The following AQR variants were observed in gnomAD, a reference collection of about 807,000 sequenced individuals.
AQR encodes RNA helicase aquarius.
A neutral mutation model predicts 180.5 loss-of-function variants in AQR; 61 were observed. The observed-to-expected ratio is 0.34, with a 90% CI of 0.28 to 0.42. The LOEUF is 0.42. AQR is among the 10% of genes least tolerant of loss of function. The pLI, the probability that AQR is intolerant of heterozygous loss-of-function variation, is 1.00. For synonymous variants in AQR, 551 were observed against 588.8 expected (o/e 0.94, Z 0.93); for missense variants, 1,281 against 1,798.3 (o/e 0.71, Z 5.20).
Position 34,856,515 on chromosome 15 carries a change from GA to G in AQR, c.*276del, listed in dbSNP as rs1325545625. The G allele has an allele frequency of 2.4e-6, 1 of 415,360 alleles. No individual in the cohort carries two copies. The highest frequency in any genetic ancestry group is 2.0e-5 in the African/African-American group (1 of 48,964). The allele number at this position is 415,360 out of a possible 1,614,324, so 25.7% of individuals were successfully genotyped here. On this transcript the variant is annotated 3_prime_UTR_variant, in exon 35 of 35. Coordinates refer to ENST00000156471, the MANE Select transcript of AQR (RefSeq NM_014691.3). Reference sequence around the variant, plus strand: ...GTGAAGTATATATTATATATTCATAGAAAATGATTTTAATGTAGGTATGATT... The same window carrying G: ...GTGAAGTATATATTATATATTCATAGAAATGATTTTAATGTAGGTATGATT...
At chr15:34,892,334 C>A (rs1321473304) in intron 23 of AQR, among the ~76,000 whole-genome samples, 2 of 152,086 alleles carry the variant, frequency 1.3e-5, no homozygotes, top group East Asian at 3.9e-4. Context: ...CACTTTAGAC[C>A]TTAGTCTTTC....
At chr15:34,919,855 G>A (rs938488948) in intron 14 of AQR, among the ~76,000 whole-genome samples, 9 of 151,618 alleles carry the variant, frequency 5.9e-5, no homozygotes, top group Non-Finnish European at 4.4e-5. Flanking sequence ...CTGAGATCAC[G>A]CCACTGCACT....
chr15:34,960,250 C>T (rs994790440), intron 3 of AQR, among the ~76,000 whole-genome samples: 3 of 152,092 alleles, frequency 2.0e-5, no homozygotes, highest in African/African-American at 7.2e-5. Flanking sequence ...TTTGAAAAAA[C>T]ATGTGAAGGC....
At chr15:34,882,254 AAACTTTAACAAGT>A (rs1892981944) in intron 27 of AQR, among the ~76,000 whole-genome samples, 1 of 152,102 alleles carries the variant, frequency 6.6e-6, no homozygotes, top group South Asian at 2.1e-4. Flanking sequence ...AGTAAAAATA[AAACTTTAACAAGT>A]ATGAGAATTT....
At chr15:34,878,204 G>A (rs1892913907) in intron 27 of AQR, among the ~76,000 whole-genome samples, 1 of 151,844 alleles carries the variant, frequency 6.6e-6, no homozygotes, top group Admixed American at 6.6e-5. Context: ...GGTCAACATG[G>A]TGAAACCCCG....
intron 23 of AQR, among the ~76,000 whole-genome samples, chr15:34,892,390 G>A (rs896595361): frequency 6.6e-6 from 1 of 152,242 alleles, no homozygotes; most frequent in South Asian, 2.1e-4. Flanking sequence ...CCCAGTAAGG[G>A]TTAATGCTTA....
intron 8 of AQR, among the ~76,000 whole-genome samples, chr15:34,939,051 C>T (rs538149143): frequency 9.2e-5 from 14 of 152,134 alleles, no homozygotes; most frequent in East Asian, 3.9e-4. Flanking sequence ...CTTCTCTCAC[C>T]GTGAACGTTT....
rs2140454440 is a variant in AQR, at chr15:34,855,654, A to G, written c.*1138T>C. ...CTACATTATAGCCTCATTCATGTGA[A>G]GACAACACAGTAATCTTAGTACAGT... On this transcript the variant is annotated 3_prime_UTR_variant, in exon 35 of 35. Transcript: ENST00000156471. 1 of 152,284 alleles carries G rather than the reference A, an allele frequency of 6.6e-6. No homozygotes were observed. Among genetic ancestry groups the G allele is most frequent in the Non-Finnish European group, 1.5e-5 (1 of 68,036 alleles). 9.4% of individuals were successfully genotyped at this position (152,284 alleles called of 1,614,324 possible).
At chr15:34,920,242 C>CA (rs1387099887) in intron 14 of AQR, 90 bp downstream of exon 14, 6 of 874,654 alleles carry the variant, frequency 6.9e-6, no homozygotes, top group South Asian at 1.8e-5. Flanking sequence ...CTTTGGCCCA[C>CA]AAAAAAATCT....
chr15:34,914,111 A>G (rs375346728), intron 16 of AQR, among the ~76,000 whole-genome samples: 14 of 152,352 alleles, frequency 9.2e-5, no homozygotes, highest in African/African-American at 3.1e-4. Context: ...AGCTTTTCAC[A>G]TAAAATGCAG....
chr15:34,933,340 C>G (rs1181435883), intron 10 of AQR, among the ~76,000 whole-genome samples: 1 of 152,144 alleles, frequency 6.6e-6, no homozygotes, highest in African/African-American at 2.4e-5. Flanking sequence ...AGACAAGGAA[C>G]AGATTTTCTT....
chr15:34,884,460 C>CAA (rs372572921), intron 26 of AQR, 65 bp downstream of exon 26: 55 of 1,291,838 alleles, frequency 4.3e-5, no homozygotes, highest in Admixed American at 7.6e-5. Flanking sequence ...ACATTTACTT[C>CAA]AAAAAAAAAC....
At chr15:34,915,552 A>G (rs1426578033) in intron 15 of AQR, among the ~76,000 whole-genome samples, 3 of 152,116 alleles carry the variant, frequency 2.0e-5, no homozygotes, top group Non-Finnish European at 2.9e-5. Context: ...TCAAAACTAT[A>G]AGAATCTAAT....
At chr15:34,938,529 T>C (rs1893976881) in intron 9 of AQR, among the ~76,000 whole-genome samples, 1 of 151,970 alleles carries the variant, frequency 6.6e-6, no homozygotes. Flanking sequence ...CAACACTCTG[T>C]CTCAAAAAAT....
At chr15:34,923,097 G>C (rs959307151) in intron 13 of AQR, among the ~76,000 whole-genome samples, 19 of 152,170 alleles carry the variant, frequency 1.2e-4, no homozygotes, top group African/African-American at 4.3e-4. Context: ...TCTTGAGAGA[G>C]AGACCACATT....
intron 3 of AQR, among the ~76,000 whole-genome samples, chr15:34,956,696 G>C (rs79058611): frequency 2.4e-5 from 2 of 83,400 alleles, no homozygotes; most frequent in Non-Finnish European, 4.4e-5. Context: ...TAAGAAGTCA[G>C]AAAAAAAAAA....
chr15:34,884,715 T>C lies in AQR; in HGVS notation c.2837A>G (p.Glu946Gly), dbSNP rs1166623683. 1 of 1,602,502 alleles carries C rather than the reference T, an allele frequency of 6.2e-7. No homozygotes were observed. Among genetic ancestry groups the C allele is most frequent in the Admixed American group, 1.8e-5 (1 of 57,070 alleles). The change falls in exon 26 of 35, where the codon GAG becomes GGG. Residue 946 changes from glutamate to glycine, a missense_variant. Coordinates refer to ENST00000156471, the MANE Select transcript of AQR (RefSeq NM_014691.3). ...TTTATTTTTCACTTTGCTGATATAC[T>C]CTTCCCAGCGAGACATTACCTGTAG... is the stretch of plus-strand genomic sequence containing the variant. Reference protein sequence around the residue: ...FLYQVMSRWEEYISKVKNKGS... With the variant: ...FLYQVMSRWEGYISKVKNKGS...
chr15:34,929,241 CTTTT>C (rs979209605), intron 12 of AQR, among the ~76,000 whole-genome samples: 6 of 152,196 alleles, frequency 3.9e-5, no homozygotes, highest in African/African-American at 1.4e-4. Context: ...TTGCTTTTGG[CTTTT>C]TTGTCATAAA....
chr15:34,957,686 A>G (rs1023908565), intron 3 of AQR, among the ~76,000 whole-genome samples: 1 of 149,772 alleles, frequency 6.7e-6, no homozygotes, highest in East Asian at 2.0e-4. Flanking sequence ...GGGCAACAAG[A>G]TCGAAACTCC....
Sources: gnomAD v4.1 joint callset for allele counts (sites outside exome capture counted in the v4.1 genomes callset) on GRCh38, gnomAD v4.1.1 for gene constraint, MANE v1.5 for transcripts, NCBI Gene and HGNC (gene_info 2026-07-23, HGNC 2026-07-21) for gene names.